The following HEATR4 variants were observed in gnomAD, a reference collection of about 807,000 sequenced individuals.
The protein encoded by HEATR4 is HEAT repeat containing 4, also known as HEAT repeat-containing protein 4.
Under a neutral mutation model 108.8 loss-of-function variants are expected in HEATR4, and 95 were observed. That is an observed-to-expected ratio of 0.87 (90% CI 0.74 to 1.04). The LOEUF (loss-of-function observed/expected upper bound fraction) is 1.04, where lower values mean the gene tolerates loss of function less well. HEATR4 is among the 50% of genes least tolerant of loss of function. The probability of loss-of-function intolerance (pLI) is 0.00; values close to 1 mark genes in which losing one functional copy is unlikely to be tolerated. For synonymous variants in HEATR4, 443 were observed against 459.4 expected (o/e 0.96, Z 0.46); for missense variants, 1,152 against 1,253.8 (o/e 0.92, Z 1.23).
chr14:73,583,247 G>C, the HEATR4 span, among the ~76,000 whole-genome samples: 1 of 151,842 alleles, frequency 6.6e-6, no homozygotes. Context: ...AGGTTGAGAG[G>C]CTGAGGCAGG....
At chr14:73,609,726 TG>T in the HEATR4 span, among the ~76,000 whole-genome samples, 1 of 151,960 alleles carries the variant, frequency 6.6e-6, no homozygotes, top group South Asian at 2.1e-4. Context: ...CCACAACCTC[TG>T]CCTCCCGGGT....
At chr14:73,576,746 A>C in the HEATR4 span, among the ~76,000 whole-genome samples, 1 of 124,800 alleles carries the variant, frequency 8.0e-6, no homozygotes, top group East Asian at 2.9e-4. Context: ...CAGTGAGCTG[A>C]GATCGTGCTA....
At position 73,539,927 on chromosome 14, in the gene HEATR4, C is replaced by T. The variant is rs545597002; in HGVS notation, c.-151-9683G>A. 1.0e-4 allele frequency: 12 copies of T among 116,106 alleles called. 2 individuals carry two copies. The South Asian group carries it at 3.3e-3, about 31-fold the overall frequency. The allele number at this position is 116,106 out of a possible 1,614,324, so 7.2% of individuals were successfully genotyped here. ...TAAATTAGCATTTACAATAGGAAAG[C>T]CTCTTCCTGTCAAATGGAAATTTGA... On this transcript the variant is annotated intron_variant, in intron 1 of 17. Coordinates refer to ENST00000553558, the MANE Select transcript of HEATR4 (RefSeq NM_001220484.1).
intron 5 of HEATR4, among the ~76,000 whole-genome samples, chr14:73,516,692 C>T (rs1887620789): frequency 6.6e-6 from 1 of 152,138 alleles, no homozygotes; most frequent in Non-Finnish European, 1.5e-5. Context: ...AACCGGGCCA[C>T]CACAACAGGA....
intron 8 of HEATR4, 80 bp from the exon 9 acceptor site, chr14:73,508,374 G>A (rs1886986139): frequency 8.1e-7 from 1 of 1,239,816 alleles, no homozygotes; most frequent in South Asian, 1.3e-5. Flanking sequence ...TGATACCCAA[G>A]GCTGCTACCC....
At chr14:73,520,766 C>T in intron 4 of HEATR4, 86 bp downstream of exon 4, 1 of 1,290,086 alleles carries the variant, frequency 7.8e-7, no homozygotes, top group Non-Finnish European at 1.1e-6. Flanking sequence ...TGTCCATACC[C>T]ACAACTGTTT....
the HEATR4 span, among the ~76,000 whole-genome samples, chr14:73,590,443 G>A: frequency 3.3e-5 from 5 of 152,276 alleles, no homozygotes; most frequent in Admixed American, 6.5e-5. Flanking sequence ...GGGGTTCGCA[G>A]GTGGAGCTGC....
chr14:73,611,335 C>G, the HEATR4 span, among the ~76,000 whole-genome samples: 2 of 152,242 alleles, frequency 1.3e-5, no homozygotes, highest in Non-Finnish European at 2.9e-5. Context: ...ATAGTCTCCT[C>G]CTTCCTGCCA....
chr14:73,623,049 C>T, the HEATR4 span, among the ~76,000 whole-genome samples: 9 of 151,912 alleles, frequency 5.9e-5, no homozygotes, highest in African/African-American at 1.9e-4. Flanking sequence ...GCTGGGAATA[C>T]AGGCATGCAC....
the HEATR4 span, among the ~76,000 whole-genome samples, chr14:73,580,285 T>C: frequency 6.6e-6 from 1 of 152,030 alleles, no homozygotes; most frequent in African/African-American, 2.4e-5. Context: ...TTTGCCACCA[T>C]GCCCAGCTAA....
rs553194860 is a variant in HEATR4 at position 73,534,807 on chromosome 14, CT to C, written c.-151-4564del. 3.1e-3 allele frequency among the ~76,000 whole-genome samples: 290 copies of C among 93,810 alleles called. 6 individuals are homozygous for C. Among genetic ancestry groups the C allele is most frequent in the Admixed American group, 4.6e-3 (37 of 8,018 alleles). 61.5% of individuals were successfully genotyped at this position (93,810 alleles called of 152,430 possible). ...TAATTTTCATGTCTTATCTTTTCTG[CT>C]TTTTTTTTTTTTTTTAAGGGATGAG... On this transcript the variant is annotated intron_variant, in intron 1 of 17. Transcript: ENST00000553558.
upstream of HEATR4, among the ~76,000 whole-genome samples, chr14:73,563,851 A>G (rs1280041420): frequency 6.6e-6 from 1 of 151,900 alleles, no homozygotes; most frequent in Admixed American, 6.6e-5. Context: ...CATGCCTGTA[A>G]TCTCACCGCT....
rs1346406108 is a variant in HEATR4, at chr14:73,499,083, A to C, written c.2344T>G (p.Phe782Val). 6.2e-7 allele frequency: 1 copy of C among 1,614,122 alleles called. No individual in the cohort carries two copies. Among genetic ancestry groups the C allele is most frequent in the Non-Finnish European group, 8.5e-7 (1 of 1,179,958 alleles). ...QRDPYWKIKA[F>V]AIRALGQIGQ... Reference sequence around the variant, plus strand: ...ACTTCTATAATACCTCGAATGGCAAAGGCCTTGATTTTCCAGTAAGGATCT... The same window carrying C: ...ACTTCTATAATACCTCGAATGGCAACGGCCTTGATTTTCCAGTAAGGATCT... The change falls in exon 13 of 18, where the codon TTT (phenylalanine) becomes GTT (valine). Residue 782 changes from phenylalanine to valine, a missense_variant. Transcript: ENST00000553558.
At chr14:73,595,445 ATC>A in the HEATR4 span, 1 of 1,614,078 alleles carries the variant, frequency 6.2e-7, no homozygotes, top group African/African-American at 1.3e-5. Flanking sequence ...ACCCCAGATC[ATC>A]TGTTACCCTG....
At chr14:73,583,534 G>A in the HEATR4 span, among the ~76,000 whole-genome samples, 1 of 129,820 alleles carries the variant, frequency 7.7e-6, no homozygotes, top group African/African-American at 2.5e-5. Flanking sequence ...CACTAGGAAT[G>A]TCAGGTGATG....
At chr14:73,609,414 G>C in the HEATR4 span, among the ~76,000 whole-genome samples, 7 of 152,040 alleles carry the variant, frequency 4.6e-5, no homozygotes, top group Non-Finnish European at 1.0e-4. Context: ...AAACATCATT[G>C]GGCCAGTAGT....
At chr14:73,619,905 T>C in the HEATR4 span, 16 of 1,467,064 alleles carry the variant, frequency 1.1e-5, no homozygotes, top group South Asian at 2.0e-4. Context: ...TTGGGTTTTC[T>C]TTCTTTCTTT....
intron 11 of HEATR4, among the ~76,000 whole-genome samples, chr14:73,501,169 A>G (rs1402721997): frequency 6.7e-6 from 1 of 150,278 alleles, no homozygotes; most frequent in East Asian, 2.0e-4. Flanking sequence ...CCCAGGCTGG[A>G]GTGCAGTGGC....
At chr14:73,524,136 C>G (rs1307236812) in intron 2 of HEATR4, among the ~76,000 whole-genome samples, 1 of 150,932 alleles carries the variant, frequency 6.6e-6, no homozygotes, top group Non-Finnish European at 1.5e-5. Flanking sequence ...ACTAAAAATA[C>G]AAAAAATTAG....
Sources: gnomAD v4.1 joint callset for allele counts (sites outside exome capture counted in the v4.1 genomes callset) on GRCh38, gnomAD v4.1.1 for gene constraint, MANE v1.5 for transcripts, NCBI Gene and HGNC (gene_info 2026-07-23, HGNC 2026-07-21) for gene names.